ELMO2: variants seen among roughly 807,000 people sequenced by gnomAD.
ELMO2 encodes the protein engulfment and cell motility 2, also known as engulfment and cell motility protein 2.
A neutral mutation model predicts 96.2 loss-of-function variants in ELMO2; 37 were observed. The observed-to-expected ratio is 0.38, with a 90% CI of 0.30 to 0.51. The LOEUF (loss-of-function observed/expected upper bound fraction) is 0.51, where lower values mean the gene tolerates loss of function less well. Ranked by LOEUF, ELMO2 falls within the 20% of genes least tolerant of loss-of-function variation. The probability of loss-of-function intolerance (pLI) is 0.88; values close to 1 mark genes in which losing one functional copy is unlikely to be tolerated. For missense variants in ELMO2, 561 were observed against 912.6 expected, an observed-to-expected ratio of 0.61 and a Z score of 4.96; for synonymous variants, 315 against 329.4, an observed-to-expected ratio of 0.96 and a Z score of 0.47.
At chr20:46,386,925 A>G (rs1245677735) in intron 8 of ELMO2, among the ~76,000 whole-genome samples, 1 of 152,248 alleles carries the variant, frequency 6.6e-6, no homozygotes, top group Non-Finnish European at 1.5e-5. Context: ...TAGTCTGACA[A>G]TCCAAACAGG....
intron 1 of ELMO2, among the ~76,000 whole-genome samples, chr20:46,400,960 G>A (rs762604018): frequency 6.6e-6 from 1 of 152,190 alleles, no homozygotes; most frequent in Non-Finnish European, 1.5e-5. Context: ...CCTCCTATTA[G>A]TAAGGAATTT....
rs1600829545 is a variant in ELMO2, at chr20:46,374,313, G to A, written c.1279+19C>T. The A allele has an allele frequency of 2.3e-6, 3 of 1,329,618 alleles. No homozygotes were observed. The East Asian group carries it at 1.0e-4, about 46-fold the overall frequency. The allele number at this position is 1,329,618 out of a possible 1,614,324, so 82.4% of individuals were successfully genotyped here. On this transcript the variant is annotated intron_variant, in intron 15 of 21. Coordinates refer to ENST00000290246, the MANE Select transcript of ELMO2 (RefSeq NM_133171.5). The stretch of plus-strand genomic sequence containing the variant: ...GATGACAAGGAATGGCTGAAGAAGA[G>A]GGAGCTGCAGAGACTTACGTAGTTC...
intron 11 of ELMO2, chr20:46,377,026 C>T (rs1900945820): frequency 6.3e-6 from 2 of 316,958 alleles, no homozygotes; most frequent in South Asian, 2.6e-5. Flanking sequence ...TGCTCTAGAG[C>T]GCTCTGACTT....
chr20:46,401,330 C>A (rs930975140), intron 1 of ELMO2, among the ~76,000 whole-genome samples: 1 of 152,114 alleles, frequency 6.6e-6, no homozygotes, highest in African/African-American at 2.4e-5. Flanking sequence ...TGCTGGAAGC[C>A]CTGGGAAGGA....
At position 46,375,636 on chromosome 20, in the gene ELMO2, A is replaced by T. The variant is rs368035290; in HGVS notation, c.930+32T>A. On this transcript the variant is annotated intron_variant, in intron 12 of 21. Transcript: ENST00000290246. This position sits in a 1 kb window ranked among gnomAD's most constrained non-coding sequence, Gnocchi z 4.6. ...ACTAAGGCTGGACTGCACCACAGCC[A>T]TGAGAAAACAGCTGCCCCACTTAGC... 4.2e-5 allele frequency: 68 copies of T among 1,613,638 alleles called. No individual in the cohort carries two copies. The highest frequency in any genetic ancestry group is 5.7e-5 in the Non-Finnish European group (67 of 1,179,680).
At chr20:46,377,729 C>T (rs1006801094) in intron 11 of ELMO2, among the ~76,000 whole-genome samples, 3 of 152,304 alleles carry the variant, frequency 2.0e-5, no homozygotes. Context: ...CTGTAGCTCC[C>T]GCCCTGTCAC....
chr20:46,371,157 C>CACCTGTGAA lies in ELMO2; in HGVS notation c.1801+186_1801+194dup, dbSNP rs2059694992. Among the ~76,000 whole-genome samples, 1 of 152,214 alleles carries CACCTGTGAA rather than the reference C, an allele frequency of 6.6e-6. No homozygotes were observed. The highest frequency in any genetic ancestry group is 6.5e-5 in the Admixed American group (1 of 15,280). On this transcript the variant is annotated intron_variant, in intron 19 of 21. Coordinates refer to ENST00000290246, the MANE Select transcript of ELMO2 (RefSeq NM_133171.5). This position sits in a 1 kb window ranked among gnomAD's most constrained non-coding sequence, Gnocchi z 5.9. ...CTTTACAGTCTACACAATACATTCA[C>CACCTGTGAA]ACCTGTGAACTCATTGTTTCTCCAA...
chr20:46,403,806 G>A (rs1478678668), intron 1 of ELMO2, among the ~76,000 whole-genome samples: 2 of 152,226 alleles, frequency 1.3e-5, no homozygotes, highest in Non-Finnish European at 2.9e-5. Context: ...GCTGTAGGCC[G>A]GGCGCCGTGG....
In ELMO2 at chr20:46,387,470, CA is replaced by C. The variant is rs1481358552; in HGVS notation, c.426-34del. 4 of 1,571,224 alleles carry C rather than the reference CA, an allele frequency of 2.5e-6. No homozygotes were observed. In the African/African-American group the frequency reaches 4.1e-5, roughly 16 times the overall value. On this transcript the variant is annotated intron_variant, in intron 7 of 21. Transcript: ENST00000290246. ...ACGTGCAACACACACACAAAATAGA[CA>C]AAGATTCAGATCGGGAAACACAGGT...
Position 46,386,282 on chromosome 20 carries a change from C to G in ELMO2, c.526-7G>C, listed in dbSNP as rs746198653. 21 of 1,613,270 alleles carry G rather than the reference C, an allele frequency of 1.3e-5. No homozygotes were observed. The highest frequency in any genetic ancestry group is 1.8e-5 in the Non-Finnish European group (21 of 1,179,582). On this transcript the variant is annotated splice_region_variant and splice_polypyrimidine_tract_variant and intron_variant, in intron 8 of 21. Transcript: ENST00000290246. ...GGCTCACATACCCTGCAATCTAGACCCAGAGATGGCACATCAATTGAGAAG... is the reference window on the plus strand; with the variant it reads ...GGCTCACATACCCTGCAATCTAGACGCAGAGATGGCACATCAATTGAGAAG...
Position 46,389,077 on chromosome 20 carries a change from C to A in ELMO2, c.387G>T (p.Leu129=). The A allele has an allele frequency of 1.9e-6, 3 of 1,614,096 alleles. No individual in the cohort carries two copies. The highest frequency in any genetic ancestry group is 2.5e-6 in the Non-Finnish European group (3 of 1,179,984). ...EFINMDGIIV[L]TRLVESGTKL... The stretch of plus-strand genomic sequence containing the variant: ...TGGTTCCACTTTCCACGAGCCTTGT[C>A]AGCACAATGATGCCATCCATGTTGA... The change falls in exon 7 of 22, where the codon CTG becomes CTT. Residue 129 remains leucine (L), a synonymous_variant. Transcript: ENST00000290246.
At chr20:46,389,264 C>G (rs1369818176) in intron 6 of ELMO2, 44 bp from the exon 7 acceptor site, 2 of 1,587,002 alleles carry the variant, frequency 1.3e-6, no homozygotes. Flanking sequence ...CTCCTTGGAG[C>G]AGGTTACTAC....
intron 1 of ELMO2, among the ~76,000 whole-genome samples, chr20:46,402,281 C>T (rs893616307): frequency 6.6e-6 from 1 of 152,246 alleles, no homozygotes; most frequent in African/African-American, 2.4e-5. Flanking sequence ...CTGCCTGCCA[C>T]ATAGCTGTGT....
chr20:46,374,253 T>A, intron 15 of ELMO2, 79 bp downstream of exon 15: 1 of 1,200,850 alleles, frequency 8.3e-7, no homozygotes, highest in Non-Finnish European at 1.2e-6. Flanking sequence ...CACTGACATG[T>A]AACTGTTTAT....
intron 11 of ELMO2, chr20:46,376,926 C>T (rs1476597293): frequency 1.3e-6 from 1 of 749,266 alleles, no homozygotes; most frequent in Non-Finnish European, 1.9e-6. Flanking sequence ...GCACCAGCCA[C>T]ATTTTAAGTG....
intron 11 of ELMO2, among the ~76,000 whole-genome samples, chr20:46,376,177 T>C (rs1261045486): frequency 6.6e-6 from 1 of 152,218 alleles, no homozygotes; most frequent in Non-Finnish European, 1.5e-5. Flanking sequence ...ATGGTGTGCA[T>C]GGAGGCAGAG....
chr20:46,397,781 C>G (rs1423154025), intron 2 of ELMO2, among the ~76,000 whole-genome samples: 22 of 152,120 alleles, frequency 1.4e-4, no homozygotes, highest in Non-Finnish European at 1.5e-5. Flanking sequence ...GAGCGAATAC[C>G]ATGGCAAGCC....
chr20:46,376,707 T>G (rs905309525), intron 11 of ELMO2: 3 of 1,289,496 alleles, frequency 2.3e-6, no homozygotes, highest in Admixed American at 4.6e-5. Flanking sequence ...CACCCACCAT[T>G]ATGAATCCTG....
In ELMO2 at chr20:46,375,485, A is replaced by T. The variant is rs2059840841; in HGVS notation, c.931-115T>A. The T allele has an allele frequency of 6.7e-7, 1 of 1,496,766 alleles. No individual in the cohort carries two copies. The highest frequency in any genetic ancestry group is 2.0e-5 in the Admixed American group (1 of 49,848). The allele number at this position is 1,496,766 out of a possible 1,614,324, so 92.7% of individuals were successfully genotyped here. ...CTTTGGCCCCAATCAATCCCTTAGG[A>T]GGCATCACCTCTACCACAGCAGGAC... On this transcript the variant is annotated intron_variant, in intron 12 of 21. Transcript: ENST00000290246. The surrounding 1 kb of genome is among the most constrained non-coding windows in gnomAD (Gnocchi z 4.6).
Sources: allele counts gnomAD v4.1 joint callset (sites outside exome capture counted in the v4.1 genomes callset), GRCh38; gene constraint gnomAD v4.1.1; non-coding constraint Gnocchi (gnomAD v3.1); transcripts MANE v1.5; gene names NCBI Gene and HGNC (gene_info 2026-07-23, HGNC 2026-07-21).